Variants in PDZD8 observed in about 807,000 individuals in gnomAD.
The protein encoded by PDZD8 is PDZ domain containing 8, also known as PDZ domain-containing protein 8.
In PDZD8, 14 loss-of-function variants were observed where a neutral mutation model predicts 85.8. The ratio of observed to expected loss-of-function variants is 0.16; its 90% confidence interval spans 0.11 to 0.26. The LOEUF (loss-of-function observed/expected upper bound fraction) is 0.26, where lower values mean the gene tolerates loss of function less well. Among genes scored for constraint, PDZD8 ranks in the 10% least tolerant of loss-of-function variants. The pLI, the probability that PDZD8 is intolerant of heterozygous loss-of-function variation, is 1.00. For synonymous variants in PDZD8, 592 were observed against 568.6 expected, an observed-to-expected ratio of 1.04 and a Z score of -0.59; for missense variants, 1,197 against 1,424.3, an observed-to-expected ratio of 0.84 and a Z score of 2.57.
chr10:117,289,410 C>T (rs969738500), intron 4 of PDZD8, among the ~76,000 whole-genome samples: 7 of 152,204 alleles, frequency 4.6e-5, no homozygotes, highest in African/African-American at 1.7e-4. Context: ...TTGCCCTTTT[C>T]AGATCAACTG....
At chr10:117,341,197 T>A (rs998514148) in intron 1 of PDZD8, 95 bp from the exon 2 acceptor site, 1 of 1,317,882 alleles carries the variant, frequency 7.6e-7, no homozygotes, top group Non-Finnish European at 1.1e-6. Context: ...CAAAGCAAAA[T>A]GAACACCTAA....
intron 3 of PDZD8, among the ~76,000 whole-genome samples, chr10:117,311,575 G>T (rs1019540502): frequency 1.3e-5 from 2 of 152,080 alleles, no homozygotes; most frequent in African/African-American, 4.8e-5. Context: ...AAACATAAAT[G>T]CGAAATCCCA....
chr10:117,341,234 G>T, intron 1 of PDZD8, 132 bp from the exon 2 acceptor site: 1 of 915,826 alleles, frequency 1.1e-6, no homozygotes, highest in Non-Finnish European at 1.6e-6. Context: ...CAAAACCAAA[G>T]CTTACCACAC....
Position 117,319,698 on chromosome 10 carries a change from GA to G in PDZD8, c.996-725del, listed in dbSNP as rs558350542. ...CTGTTTAATATTTAGATCTAAAAAA[GA>G]CATATGAGGTCCAGTCACGAGATTA... On this transcript the variant is annotated intron_variant, in intron 2 of 4. Coordinates refer to ENST00000334464, the MANE Select transcript of PDZD8 (RefSeq NM_173791.5). Among the ~76,000 whole-genome samples the G allele has an allele frequency of 1.2e-4, 19 of 152,064 alleles. 2 individuals carry two copies. In the South Asian group the frequency reaches 3.7e-3, roughly 30 times the overall value.
intron 1 of PDZD8, among the ~76,000 whole-genome samples, chr10:117,373,691 A>ATCTC (rs1416905012): frequency 6.6e-6 from 1 of 151,712 alleles, no homozygotes; most frequent in African/African-American, 2.4e-5. Flanking sequence ...GAGGCAGGAG[A>ATCTC]ATCGCTCGAA....
At chr10:117,287,058 A>C (rs1430842934) in intron 4 of PDZD8, among the ~76,000 whole-genome samples, 2 of 152,158 alleles carry the variant, frequency 1.3e-5, no homozygotes, top group Non-Finnish European at 2.9e-5. Flanking sequence ...ATCAATATGA[A>C]GCTACCTTTT....
At chr10:117,338,201 C>T (rs1041104766) in intron 2 of PDZD8, among the ~76,000 whole-genome samples, 5 of 152,042 alleles carry the variant, frequency 3.3e-5, no homozygotes, top group East Asian at 1.9e-4. Flanking sequence ...GGACTTAATA[C>T]GAAGACAAAA....
intron 2 of PDZD8, among the ~76,000 whole-genome samples, chr10:117,321,517 T>C (rs1844224977): frequency 6.6e-6 from 1 of 152,148 alleles, no homozygotes; most frequent in Non-Finnish European, 1.5e-5. Flanking sequence ...ATAATGGTTA[T>C]GGAGTTTCTT....
chr10:117,330,198 T>C (rs537160970), intron 2 of PDZD8, among the ~76,000 whole-genome samples: 1 of 151,846 alleles, frequency 6.6e-6, no homozygotes, highest in Non-Finnish European at 1.5e-5. Context: ...CCTCTCTATA[T>C]TCCCAACCCC....
chr10:117,340,331 C>A (rs371516704), intron 2 of PDZD8, among the ~76,000 whole-genome samples: 12 of 152,302 alleles, frequency 7.9e-5, no homozygotes, highest in Admixed American at 3.9e-4. Context: ...AAGAACTCTG[C>A]GAAGTCAGTT....
At chr10:117,292,716 T>C (rs1216282207) in intron 3 of PDZD8, among the ~76,000 whole-genome samples, 2 of 151,646 alleles carry the variant, frequency 1.3e-5, no homozygotes, top group East Asian at 3.9e-4. Flanking sequence ...ATAAATCATA[T>C]CTTTCCCTTT....
chr10:117,373,604 CAAAAAAAAAAA>C (rs796930758), intron 1 of PDZD8, among the ~76,000 whole-genome samples: 18 of 52,430 alleles, frequency 3.4e-4, no homozygotes, highest in African/African-American at 8.0e-4. Flanking sequence ...CTAAAAAATA[CAAAAAAAAAAA>C]AAAAAAAAAA....
chr10:117,356,803 T>A (rs1343379265), intron 1 of PDZD8, among the ~76,000 whole-genome samples: 5 of 152,178 alleles, frequency 3.3e-5, no homozygotes, highest in Admixed American at 6.5e-5. Flanking sequence ...CCGGGGTAAT[T>A]ACTGAGATTA....
chr10:117,278,274 T>C lies in PDZD8; in HGVS notation c.*4994A>G, dbSNP rs188302596. On this transcript the variant is annotated 3_prime_UTR_variant, in exon 5 of 5. Transcript: ENST00000334464. The stretch of plus-strand genomic sequence containing the variant: ...TGTCTGAAACTACTATTTTTTAGAC[T>C]CCTGAAAGTTGTTCACATCAATGTG... 8.5e-4 allele frequency: 130 copies of C among 152,366 alleles called. No homozygotes were observed. Among genetic ancestry groups the C allele is most frequent in the African/African-American group, 3.0e-3 (124 of 41,582 alleles). 9.4% of individuals were successfully genotyped at this position (152,366 alleles called of 1,614,324 possible).
At chr10:117,372,214 G>T (rs1845205896) in intron 1 of PDZD8, among the ~76,000 whole-genome samples, 1 of 152,172 alleles carries the variant, frequency 6.6e-6, no homozygotes, top group South Asian at 2.1e-4. Flanking sequence ...TTCACATTTA[G>T]AAGTTGAAAT....
Position 117,283,948 on chromosome 10 carries a change from T to C in PDZD8, c.2785A>G (p.Asn929Asp). Residue 929 changes from asparagine to aspartate, a missense_variant, in exon 5 of 5, where the codon AAT (asparagine) becomes GAT (aspartate). Asn to Asp is a conservative substitution (Grantham distance 23). Around this residue, in one of 4 missense-constraint regions of PDZD8, gnomAD observed 418 missense variants for 571.1 expected, o/e 0.73. Transcript: ENST00000334464. ...RVDAEASKSV[N>D]KTTGLTRHII... Reference sequence around the variant, plus strand: ...TGCCTTGTCAAACCTGTTGTTTTATTGACTGACTTGCTAGCTTCAGCATCA... The same window carrying C: ...TGCCTTGTCAAACCTGTTGTTTTATCGACTGACTTGCTAGCTTCAGCATCA... 1 of 1,614,236 alleles carries C rather than the reference T, an allele frequency of 6.2e-7. No individual in the cohort carries two copies. The highest frequency in any genetic ancestry group is 8.5e-7 in the Non-Finnish European group (1 of 1,180,032).
chr10:117,357,406 C>T (rs1041962660), intron 1 of PDZD8, among the ~76,000 whole-genome samples: 14 of 151,702 alleles, frequency 9.2e-5, no homozygotes, highest in Admixed American at 6.6e-5. Context: ...AAAAGAAAAT[C>T]AGGATACATT....
rs1844562062 is a variant in PDZD8 at position 117,280,572 on chromosome 10, TATAATACAG to T, written c.*2687_*2695del. 1 of 152,208 alleles carries T rather than the reference TATAATACAG, an allele frequency of 6.6e-6. No individual in the cohort carries two copies. 9.4% of individuals were successfully genotyped at this position (152,208 alleles called of 1,614,324 possible). ...CAGCAAGATTACATCAGTAATGTAA[TATAATACAG>T]CTTTTTTCATTGAAGCTTTGTACCT... is the stretch of plus-strand genomic sequence containing the variant. On this transcript the variant is annotated 3_prime_UTR_variant, in exon 5 of 5. Coordinates refer to ENST00000334464, the MANE Select transcript of PDZD8 (RefSeq NM_173791.5).
At chr10:117,367,384 C>G (rs1403577956) in intron 1 of PDZD8, among the ~76,000 whole-genome samples, 1 of 151,738 alleles carries the variant, frequency 6.6e-6, no homozygotes, top group East Asian at 2.0e-4. Context: ...GCACTCCAGC[C>G]TGGGCAAGAG....
Sources: gnomAD v4.1 joint callset for allele counts (sites outside exome capture counted in the v4.1 genomes callset) on GRCh38, gnomAD v4.1.1 for gene constraint, gnomAD v4.1.1 regional missense constraint, MANE v1.5 for transcripts, NCBI Gene and HGNC (gene_info 2026-07-23, HGNC 2026-07-21) for gene names.